Variants in ATRNL1 observed in about 807,000 individuals in gnomAD.
ATRNL1 encodes attractin-like protein 1.
In ATRNL1, 95 loss-of-function variants were observed where a neutral mutation model predicts 182.7. The ratio of observed to expected loss-of-function variants is 0.52; its 90% CI spans 0.44 to 0.62. The LOEUF (loss-of-function observed/expected upper bound fraction) is 0.62, where lower values mean the gene tolerates loss of function less well. Ranked by LOEUF, ATRNL1 falls within the 20% of genes least tolerant of loss-of-function variation. ATRNL1 has a pLI of 0.00. For synonymous variants in ATRNL1, 576 were observed against 568.3 expected, an observed-to-expected ratio of 1.01 and a Z score of -0.19; for missense variants, 1,471 against 1,679.5, an observed-to-expected ratio of 0.88 and a Z score of 2.17.
intron 8 of ATRNL1, among the ~76,000 whole-genome samples, chr10:115,208,064 A>G (rs114928880): frequency 0.012 from 1,789 of 152,086 alleles, 34 homozygotes; most frequent in African/African-American, 0.04. Flanking sequence ...ATATTTCTTT[A>G]TAAGTTCACT....
At chr10:115,591,928 CCATTGA>C (rs1406648220) in intron 26 of ATRNL1, among the ~76,000 whole-genome samples, 4 of 152,238 alleles carry the variant, frequency 2.6e-5, no homozygotes, top group African/African-American at 9.6e-5. Context: ...ACCTAGGTGC[CCATTGA>C]AATTGGAGTA....
rs1483847897 is a variant in ATRNL1 at position 115,728,632 on chromosome 10, T to C, written c.3903+1277T>C. The stretch of plus-strand genomic sequence containing the variant: ...CTGTCTGTAGCATTTTTGTTTTTTC[T>C]GAAAAAATAAGACAAAATCACAACT... On this transcript the variant is annotated intron_variant, in intron 27 of 28. Transcript: ENST00000355044. Among the ~76,000 whole-genome samples, 6 of 152,292 alleles carry C rather than the reference T, an allele frequency of 3.9e-5. No individual in the cohort carries two copies. In the East Asian group the frequency reaches 1.2e-3, roughly 29 times the overall value.
At chr10:115,921,227 G>C (rs1243821930) in intron 28 of ATRNL1, among the ~76,000 whole-genome samples, 1 of 152,090 alleles carries the variant, frequency 6.6e-6, no homozygotes, top group African/African-American at 2.4e-5. Flanking sequence ...GGACTAAAAG[G>C]GGTGGTTTAA....
At chr10:115,393,452 T>C (rs1554954819) in intron 19 of ATRNL1, among the ~76,000 whole-genome samples, 9 of 152,192 alleles carry the variant, frequency 5.9e-5, no homozygotes, top group Non-Finnish European at 1.3e-4. Context: ...TTTTGACTCA[T>C]TCACTTAATT....
At chr10:115,607,014 T>TA (rs1214936205) in intron 26 of ATRNL1, among the ~76,000 whole-genome samples, 1 of 151,962 alleles carries the variant, frequency 6.6e-6, no homozygotes, top group Non-Finnish European at 1.5e-5. Flanking sequence ...CTAAATGTAT[T>TA]AATGCAGTGA....
chr10:115,399,434 T>C (rs1411980919), intron 20 of ATRNL1, among the ~76,000 whole-genome samples: 2 of 151,928 alleles, frequency 1.3e-5, no homozygotes, highest in East Asian at 1.9e-4. Flanking sequence ...ATCCTTTTTT[T>C]ATTTTCTAGT....
chr10:115,146,835 T>C (rs1303795043), intron 5 of ATRNL1, among the ~76,000 whole-genome samples: 1 of 150,656 alleles, frequency 6.6e-6, no homozygotes, highest in Non-Finnish European at 1.5e-5. Flanking sequence ...TAGCGTTCCA[T>C]TATGTATATA....
In ATRNL1 at chr10:115,308,448, T is replaced by C. The variant is rs374370174; in HGVS notation, c.2818+6405T>C. On this transcript the variant is annotated intron_variant, in intron 17 of 28. Coordinates refer to ENST00000355044, the MANE Select transcript of ATRNL1 (RefSeq NM_207303.4). Reference sequence around the variant, plus strand: ...AGGATAAGGTGTTATCTCACAAATCTGTATTTTTTTCAGTATTTGTAAGTT... The same window carrying C: ...AGGATAAGGTGTTATCTCACAAATCCGTATTTTTTTCAGTATTTGTAAGTT... Among the ~76,000 whole-genome samples, 105 of 152,248 alleles carry C rather than the reference T, an allele frequency of 6.9e-4. 2 individuals are homozygous for C. The South Asian group carries it at 0.021, about 31-fold the overall frequency.
chr10:115,556,902 G>C (rs2133825951), intron 26 of ATRNL1, among the ~76,000 whole-genome samples: 1 of 151,096 alleles, frequency 6.6e-6, no homozygotes, highest in East Asian at 1.9e-4. Context: ...GTGTATGTGT[G>C]TATTTGCATG....
intron 24 of ATRNL1, among the ~76,000 whole-genome samples, chr10:115,504,543 G>T (rs1850010521): frequency 6.6e-6 from 1 of 151,974 alleles, no homozygotes; most frequent in Admixed American, 6.6e-5. Context: ...ATTTTCTCTT[G>T]GGCTGGGTTT....
At chr10:115,665,870 G>A (rs1860969521) in intron 26 of ATRNL1, among the ~76,000 whole-genome samples, 3 of 152,130 alleles carry the variant, frequency 2.0e-5, no homozygotes, top group South Asian at 4.1e-4. Flanking sequence ...TGTTCAGAAA[G>A]TGGTACCTGT....
At chr10:115,300,316 C>T (rs2642249) in intron 16 of ATRNL1, 69 bp downstream of exon 16, 4 of 1,284,100 alleles carry the variant, frequency 3.1e-6, no homozygotes, top group East Asian at 2.4e-5. Flanking sequence ...TTCCTTCCTT[C>T]TAGGGTGTAG....
chr10:115,740,405 C>T (rs1948101119), intron 27 of ATRNL1, among the ~76,000 whole-genome samples: 1 of 152,168 alleles, frequency 6.6e-6, no homozygotes, highest in South Asian at 2.1e-4. Context: ...TGCAGCAGCA[C>T]ACACCTATAG....
intron 28 of ATRNL1, among the ~76,000 whole-genome samples, chr10:115,931,760 T>A (rs991900324): frequency 1.3e-5 from 2 of 152,186 alleles, no homozygotes; most frequent in Non-Finnish European, 2.9e-5. Context: ...AGTTTCTATC[T>A]CCATCCATCC....
At chr10:115,795,157 G>T (rs1293604188) in intron 27 of ATRNL1, among the ~76,000 whole-genome samples, 1 of 152,146 alleles carries the variant, frequency 6.6e-6, no homozygotes, top group African/African-American at 2.4e-5. Flanking sequence ...GACATTAGGT[G>T]TGCTCATTGC....
At chr10:115,673,710 A>G (rs1945772205) in intron 26 of ATRNL1, among the ~76,000 whole-genome samples, 1 of 152,092 alleles carries the variant, frequency 6.6e-6, no homozygotes, top group Non-Finnish European at 1.5e-5. Flanking sequence ...TATCCCATAT[A>G]TTCTTCTGTA....
At chr10:115,346,871 A>C (rs111308321) in intron 19 of ATRNL1, among the ~76,000 whole-genome samples, 1,850 of 152,148 alleles carry the variant, frequency 0.012, 15 homozygotes, top group South Asian at 0.033. Flanking sequence ...CAAAAGTTTC[A>C]ATTTTGATAG....
intron 26 of ATRNL1, among the ~76,000 whole-genome samples, chr10:115,571,091 C>T: frequency 6.6e-6 from 1 of 152,180 alleles, no homozygotes; most frequent in Non-Finnish European, 1.5e-5. Context: ...CTAAGGACCT[C>T]AATTTTCCTC....
intron 27 of ATRNL1, among the ~76,000 whole-genome samples, chr10:115,816,275 A>G (rs1555088529): frequency 1.3e-5 from 2 of 152,160 alleles, no homozygotes; most frequent in East Asian, 1.9e-4. Context: ...CCTACATTGT[A>G]TCACTAAGTT....
Sources: allele counts gnomAD v4.1 joint callset (sites outside exome capture counted in the v4.1 genomes callset), GRCh38; gene constraint gnomAD v4.1.1; transcripts MANE v1.5; gene names NCBI Gene and HGNC (gene_info 2026-07-23, HGNC 2026-07-21).